Variants in DNAJC13 observed in about 807,000 individuals in gnomAD.
DNAJC13 encodes DnaJ heat shock protein family (Hsp40) member C13.
A neutral mutation model predicts 290.5 loss-of-function variants in DNAJC13; 75 were observed. The observed-to-expected ratio is 0.26, with a 90% CI of 0.21 to 0.31. The LOEUF is 0.31. DNAJC13 is among the 10% of genes least tolerant of loss of function. The pLI, the probability that DNAJC13 is intolerant of heterozygous loss-of-function variation, is 1.00. For synonymous variants in DNAJC13, 862 were observed against 892.0 expected, an observed-to-expected ratio of 0.97 and a Z score of 0.60; for missense variants, 2,260 against 2,674.5, an observed-to-expected ratio of 0.85 and a Z score of 3.42.
intron 5 of DNAJC13, among the ~76,000 whole-genome samples, chr3:132,449,993 TG>T (rs1933371110): frequency 6.6e-6 from 1 of 152,182 alleles, no homozygotes. Context: ...GGATAGTAAA[TG>T]GATATTGACT....
chr3:132,425,666 G>T (rs2107641048), intron 1 of DNAJC13, among the ~76,000 whole-genome samples: 1 of 152,252 alleles, frequency 6.6e-6, no homozygotes, highest in African/African-American at 2.4e-5. Context: ...TCATATTTGT[G>T]TAAAAATTAC....
chr3:132,438,800 T>G (rs1285533601), intron 2 of DNAJC13, among the ~76,000 whole-genome samples: 1 of 152,236 alleles, frequency 6.6e-6, no homozygotes, highest in Non-Finnish European at 1.5e-5. Flanking sequence ...GCTGGCAAAG[T>G]AGCTTCTTCT....
intron 2 of DNAJC13, among the ~76,000 whole-genome samples, chr3:132,440,751 A>G (rs907587684): frequency 1.3e-5 from 2 of 152,232 alleles, no homozygotes; most frequent in African/African-American, 4.8e-5. Flanking sequence ...AAGTCACCTA[A>G]TGACAGATTC....
chr3:132,505,864 TTGA>T (rs1247062629), intron 42 of DNAJC13, among the ~76,000 whole-genome samples: 1 of 152,018 alleles, frequency 6.6e-6, no homozygotes, highest in African/African-American at 2.4e-5. Context: ...TGGTTGAGTC[TTGA>T]TGATTTTGAA....
chr3:132,489,555 A>G (rs1934999208), intron 31 of DNAJC13, among the ~76,000 whole-genome samples: 1 of 151,834 alleles, frequency 6.6e-6, no homozygotes, highest in African/African-American at 2.4e-5. Context: ...TTACAAAGAG[A>G]TATTTATTGT....
At chr3:132,525,461 G>A (rs1010036066) in intron 51 of DNAJC13, 149 bp from the exon 52 acceptor site, 32 of 696,420 alleles carry the variant, frequency 4.6e-5, no homozygotes, top group East Asian at 1.1e-4. Context: ...TGGGAAGTTC[G>A]TTGTTCTCTT....
intron 2 of DNAJC13, among the ~76,000 whole-genome samples, chr3:132,442,034 T>TA (rs1007193069): frequency 6.0e-5 from 9 of 148,982 alleles, no homozygotes; most frequent in Non-Finnish European, 1.2e-4. Flanking sequence ...CCTAAACATG[T>TA]AAAAAAATCT....
chr3:132,463,684 CT>C lies in DNAJC13; in HGVS notation c.1771-7del. 1.9e-6 allele frequency: 3 copies of C among 1,610,540 alleles called. No individual in the cohort carries two copies. The highest frequency in any genetic ancestry group is 2.2e-5 in the South Asian group (2 of 90,578). Reference sequence around the variant, plus strand: ...TTGCCACCTTAGGGATCATCTTACCCTTTTTCCAAAGGAAGGTGATAAAGAA... The same window carrying C: ...TTGCCACCTTAGGGATCATCTTACCCTTTTCCAAAGGAAGGTGATAAAGAA... On this transcript the variant is annotated splice_polypyrimidine_tract_variant and intron_variant, in intron 16 of 55. Transcript: ENST00000260818.
Position 132,526,260 on chromosome 3 carries a change from G to A in DNAJC13, c.6360G>A (p.Glu2120=). 3.7e-6 allele frequency: 6 copies of A among 1,614,070 alleles called. No homozygotes were observed. The highest frequency in any genetic ancestry group is 5.1e-6 in the Non-Finnish European group (6 of 1,179,974). The change falls in exon 53 of 56, where the codon GAG becomes GAA. Residue 2120 remains glutamate (E), a synonymous_variant. Transcript: ENST00000260818. ...CAATTAATCGAATGTTTCAGAAGGA[G>A]CAGAGTGAATTAGTAGCACAAGTAA... ...CEAINRMFQK[E]QSELVAQALK...
intron 41 of DNAJC13, among the ~76,000 whole-genome samples, chr3:132,504,310 GT>G (rs10563201): frequency 0.096 from 13,407 of 140,172 alleles, 718 homozygotes; most frequent in Middle Eastern, 0.16. Flanking sequence ...GATGCTACTG[GT>G]TTTTTTTTTT....
chr3:132,435,846 A>T lies in DNAJC13; in HGVS notation c.68+1228A>T, dbSNP rs184548030. Among the ~76,000 whole-genome samples the T allele has an allele frequency of 1.7e-4, 26 of 152,340 alleles. No homozygotes were observed. In the East Asian group the frequency reaches 5.0e-3, roughly 29 times the overall value. Reference sequence around the variant, plus strand: ...AACATACTGATACATTCTAAAGAACAAACTTACTGCAATGCTTTTCGATTT... The same window carrying T: ...AACATACTGATACATTCTAAAGAACTAACTTACTGCAATGCTTTTCGATTT... On this transcript the variant is annotated intron_variant, in intron 2 of 55. Transcript: ENST00000260818.
chr3:132,477,912 C>T lies in DNAJC13; in HGVS notation c.2549+20C>T. On this transcript the variant is annotated intron_variant, in intron 23 of 55. Coordinates refer to ENST00000260818, the MANE Select transcript of DNAJC13 (RefSeq NM_015268.4). ...GAGATCGTGAGCTACTCTGTATATC[C>T]TGTCGCATTTGTTTTCACTGTTGGT... The T allele has an allele frequency of 6.2e-6, 10 of 1,605,200 alleles. No homozygotes were observed. Among genetic ancestry groups the T allele is most frequent in the African/African-American group, 1.3e-5 (1 of 74,196 alleles).
chr3:132,486,104 T>TC (rs1253261573), intron 29 of DNAJC13, among the ~76,000 whole-genome samples: 2 of 147,976 alleles, frequency 1.4e-5, no homozygotes, highest in East Asian at 4.2e-4. Flanking sequence ...TTTTTTTTTT[T>TC]TTTTTGCCAA....
rs762534279 is a variant in DNAJC13 at position 132,453,434 on chromosome 3, A to G, written c.674A>G (p.Lys225Arg). The G allele has an allele frequency of 6.2e-7, 1 of 1,613,990 alleles. No homozygotes were observed. Among genetic ancestry groups the G allele is most frequent in the South Asian group, 1.1e-5 (1 of 91,086 alleles). Residue 225 changes from lysine (K) to arginine (R), a missense_variant, in exon 7 of 56, where the codon AAA becomes AGA. Physicochemically the swap from Lys to Arg is conservative, Grantham distance 26 (BLOSUM62 2). Transcript: ENST00000260818. ...CAATATTTGAATCTTCGCTTTGGAA[A>G]ATACAGCACTGATGAATCCATCACA... Reference protein sequence around the residue: ...FEQYLNLRFGKYSTDESITSL... With the variant: ...FEQYLNLRFGRYSTDESITSL...
At chr3:132,436,073 A>G (rs1939377594) in intron 2 of DNAJC13, among the ~76,000 whole-genome samples, 1 of 152,180 alleles carries the variant, frequency 6.6e-6, no homozygotes, top group Admixed American at 6.5e-5. Flanking sequence ...CATAAAATTC[A>G]CCCTTCTAAA....
At chr3:132,497,223 C>T (rs1283600879) in intron 36 of DNAJC13, among the ~76,000 whole-genome samples, 1 of 152,196 alleles carries the variant, frequency 6.6e-6, no homozygotes, top group Non-Finnish European at 1.5e-5. Context: ...TTTCAGATTA[C>T]AGGATTATCC....
chr3:132,516,003 G>A lies in DNAJC13; in HGVS notation c.5486-419G>A, dbSNP rs75699197. Among the ~76,000 whole-genome samples the A allele has an allele frequency of 3.4e-3, 518 of 152,240 alleles. 4 individuals are homozygous for A. Among genetic ancestry groups the A allele is most frequent in the East Asian group, 0.018 (95 of 5,188 alleles). On this transcript the variant is annotated intron_variant, in intron 46 of 55. Transcript: ENST00000260818. ...GCAATTATGTCTTAGAATGGAACCC[G>A]GTCTTACAACTGCTACTTCCTACTT...
chr3:132,454,647 A>G (rs959375730), intron 9 of DNAJC13, among the ~76,000 whole-genome samples: 101 of 151,976 alleles, frequency 6.6e-4, no homozygotes, highest in African/African-American at 2.4e-3. Flanking sequence ...GCCTATAACT[A>G]GTGTTTTTAT....
At chr3:132,464,394 T>G (rs933579425) in intron 17 of DNAJC13, among the ~76,000 whole-genome samples, 1 of 152,198 alleles carries the variant, frequency 6.6e-6, no homozygotes, top group African/African-American at 2.4e-5. Context: ...CTCTTTGTGG[T>G]TTCTAACATG....
Sources: allele counts gnomAD v4.1 joint callset (sites outside exome capture counted in the v4.1 genomes callset), GRCh38; gene constraint gnomAD v4.1.1; transcripts MANE v1.5; gene names NCBI Gene and HGNC (gene_info 2026-07-23, HGNC 2026-07-21).